The following DIS3 variants were observed in gnomAD, a reference collection of about 807,000 sequenced individuals.
DIS3 encodes the protein DIS3 exosome endoribonuclease and 3'-5' exoribonuclease, also known as exosome complex exonuclease RRP44.
Under a neutral mutation model 113.0 loss-of-function variants are expected in DIS3, and 103 were observed. The observed-to-expected ratio is 0.91, with a 90% CI of 0.78 to 1.07. DIS3 has a LOEUF of 1.07. Ranked by LOEUF, DIS3 falls within the 50% of genes least tolerant of loss-of-function variation. DIS3 has a pLI of 0.00. For synonymous variants in DIS3, 402 were observed against 394.3 expected, an observed-to-expected ratio of 1.02 and a Z score of -0.23; for missense variants, 1,121 against 1,167.1, an observed-to-expected ratio of 0.96 and a Z score of 0.58.
intron 4 of DIS3, among the ~76,000 whole-genome samples, chr13:72,776,384 A>G (rs1349588432): frequency 6.6e-6 from 1 of 152,216 alleles, no homozygotes; most frequent in Non-Finnish European, 1.5e-5. Context: ...AATACATATT[A>G]AATTTAAATA....
chr13:72,771,688 G>C (rs2033889197), intron 11 of DIS3, 107 bp downstream of exon 11: 2 of 1,059,632 alleles, frequency 1.9e-6, no homozygotes, highest in East Asian at 2.4e-5. Context: ...AATATATTTA[G>C]TGATTTAAAG....
intron 1 of DIS3, 148 bp from the exon 2 acceptor site, chr13:72,781,151 CG>C (rs774090886): frequency 4.4e-6 from 6 of 1,360,378 alleles, no homozygotes; most frequent in Non-Finnish European, 6.1e-6. Context: ...CTATAGAAAA[CG>C]AGACAATAGT....
intron 14 of DIS3, among the ~76,000 whole-genome samples, chr13:72,767,858 G>A (rs1242390863): frequency 6.6e-6 from 1 of 152,202 alleles, no homozygotes; most frequent in Non-Finnish European, 1.5e-5. Flanking sequence ...GGAACTCTGA[G>A]ACCAACATCT....
chr13:72,781,604 C>A lies in DIS3; in HGVS notation c.228+1G>T, dbSNP rs1593859728. ...TGTCCGCGGTTCGCCCGCCCACGCACCTGGTGCAGTAACACATTAGTGTCG... is the reference window on the plus strand; with the variant it reads ...TGTCCGCGGTTCGCCCGCCCACGCAACTGGTGCAGTAACACATTAGTGTCG... On this transcript the variant is annotated splice_donor_variant, in intron 1 of 20. Coordinates refer to ENST00000377767, the MANE Select transcript of DIS3 (RefSeq NM_014953.5). LOFTEE classifies it high-confidence loss of function. 1 of 1,509,634 alleles carries A rather than the reference C, an allele frequency of 6.6e-7. No individual in the cohort carries two copies. The highest frequency in any genetic ancestry group is 1.4e-5 in the African/African-American group (1 of 72,196). The allele number at this position is 1,509,634 out of a possible 1,614,324, so 93.5% of individuals were successfully genotyped here.
intron 8 of DIS3, 133 bp downstream of exon 8, chr13:72,773,551 G>C: frequency 1.0e-6 from 1 of 952,798 alleles, no homozygotes; most frequent in Non-Finnish European, 1.5e-6. Flanking sequence ...TACTTACCAG[G>C]TCACTTTGTG....
At chr13:72,770,763 T>C (rs1382273808) in intron 13 of DIS3, 141 bp downstream of exon 13, 3 of 401,002 alleles carry the variant, frequency 7.5e-6, no homozygotes, top group African/African-American at 4.2e-5. Flanking sequence ...TAATTATACA[T>C]AACATCTCTT....
intron 13 of DIS3, 57 bp from the exon 14 acceptor site, chr13:72,768,969 AAT>A: frequency 2.5e-6 from 3 of 1,202,380 alleles, no homozygotes; most frequent in Admixed American, 4.2e-5. Context: ...AATGGTTTTC[AAT>A]ATGTCCTCCT....
At chr13:72,772,567 T>C (rs1593846556) in intron 9 of DIS3, 126 bp downstream of exon 9, 2 of 1,050,290 alleles carry the variant, frequency 1.9e-6, no homozygotes, top group South Asian at 3.8e-5. Flanking sequence ...AAGAATGCTA[T>C]ACCCAACAAA....
Position 72,753,265 on chromosome 13 carries a change from A to G in DIS3, c.*6530T>C, listed in dbSNP as rs1002710753. On this transcript the variant is annotated 3_prime_UTR_variant, in exon 21 of 21. Transcript: ENST00000377767. Reference sequence around the variant, plus strand: ...CTAGAGCCATTATATATGTGGCATTATTGTGAACAACTAGGTGTAAATATA... The same window carrying G: ...CTAGAGCCATTATATATGTGGCATTGTTGTGAACAACTAGGTGTAAATATA... 5.8e-5 allele frequency: 9 copies of G among 154,600 alleles called. No individual in the cohort carries two copies. The highest frequency in any genetic ancestry group is 5.8e-4 in the Admixed American group (9 of 15,588). The allele number at this position is 154,600 out of a possible 1,614,324, so 9.6% of individuals were successfully genotyped here.
At chr13:72,778,071 G>A in intron 3 of DIS3, 116 bp downstream of exon 3, 2 of 918,932 alleles carry the variant, frequency 2.2e-6, no homozygotes, top group Non-Finnish European at 3.0e-6. Context: ...ATCACATGAA[G>A]TTATATAGGA....
In DIS3 at chr13:72,759,771, T is replaced by G; in HGVS notation, c.*24A>C. ...TTTTCTTTTAAAAAAGAAACCAGTC[T>G]TTGAAGATTTTTGTTGAATATAGCT... is the stretch of plus-strand genomic sequence containing the variant. On this transcript the variant is annotated 3_prime_UTR_variant, in exon 21 of 21. Transcript: ENST00000377767. The G allele has an allele frequency of 6.3e-7, 1 of 1,592,518 alleles. No homozygotes were observed.
At chr13:72,760,078 G>T (rs1468197018) in intron 20 of DIS3, among the ~76,000 whole-genome samples, 200 bp from the exon 21 acceptor site, 1 of 152,108 alleles carries the variant, frequency 6.6e-6, no homozygotes, top group Non-Finnish European at 1.5e-5. Flanking sequence ...AGCTAGACAT[G>T]GTCTCAACAG....
chr13:72,779,054 T>A (rs1318854594), intron 2 of DIS3, among the ~76,000 whole-genome samples: 1 of 152,130 alleles, frequency 6.6e-6, no homozygotes, highest in Non-Finnish European at 1.5e-5. Flanking sequence ...AGATTCAATT[T>A]AATAATTTGA....
chr13:72,770,395 G>C (rs1311129959), intron 13 of DIS3, among the ~76,000 whole-genome samples: 3 of 152,050 alleles, frequency 2.0e-5, no homozygotes, highest in Non-Finnish European at 4.4e-5. Context: ...CACCCAAACT[G>C]AAATACATTT....
At chr13:72,768,635 C>G in intron 14 of DIS3, 150 bp downstream of exon 14, 2 of 523,710 alleles carry the variant, frequency 3.8e-6, no homozygotes, top group Non-Finnish European at 6.1e-6. Flanking sequence ...CAGAGTAAAA[C>G]TCCGTTTCAA....
In DIS3 at chr13:72,752,793, T is replaced by C. The variant is rs139977097; in HGVS notation, c.*7002A>G. On this transcript the variant is annotated 3_prime_UTR_variant, in exon 21 of 21. Coordinates refer to ENST00000377767, the MANE Select transcript of DIS3 (RefSeq NM_014953.5). The stretch of plus-strand genomic sequence containing the variant: ...ATTAAGTGATAAAGAGTGCCGTTTC[T>C]AGGCTAGTCTGTACCTTTGTGAGGG... The C allele has an allele frequency of 1.1e-4, 17 of 152,290 alleles. No homozygotes were observed. Among genetic ancestry groups the C allele is most frequent in the African/African-American group, 3.8e-4 (16 of 41,574 alleles). 9.4% of individuals were successfully genotyped at this position (152,290 alleles called of 1,614,324 possible).
At chr13:72,770,321 C>T (rs2033854554) in intron 13 of DIS3, among the ~76,000 whole-genome samples, 1 of 152,102 alleles carries the variant, frequency 6.6e-6, no homozygotes. Flanking sequence ...AACAGTGCCC[C>T]CATTCTATCC....
Position 72,759,106 on chromosome 13 carries a change from A to C in DIS3, c.*689T>G. On this transcript the variant is annotated 3_prime_UTR_variant, in exon 21 of 21. Transcript: ENST00000377767. ...AACAAGATATAGACATTTGAATGCC[A>C]ATGTCTTATTCTGGAGAGACACTGG... The C allele has an allele frequency of 5.5e-6, 1 of 181,812 alleles. No individual in the cohort carries two copies. The highest frequency in any genetic ancestry group is 1.2e-5 in the Non-Finnish European group (1 of 85,234). 11.3% of individuals were successfully genotyped at this position (181,812 alleles called of 1,614,324 possible).
rs555384669 is a variant in DIS3, at chr13:72,758,688, C to T, written c.*1107G>A. The stretch of plus-strand genomic sequence containing the variant: ...GTAATAGGAAACTGGAAAAATTAGT[C>T]AACATTTATTGAGTGCCTAAATGAC... On this transcript the variant is annotated 3_prime_UTR_variant, in exon 21 of 21. Coordinates refer to ENST00000377767, the MANE Select transcript of DIS3 (RefSeq NM_014953.5). 2.0e-4 allele frequency: 43 copies of T among 215,282 alleles called. No homozygotes were observed. The highest frequency in any genetic ancestry group is 1.4e-3 in the Middle Eastern group (1 of 690). 13.3% of individuals were successfully genotyped at this position (215,282 alleles called of 1,614,324 possible).
Sources: allele counts gnomAD v4.1 joint callset (sites outside exome capture counted in the v4.1 genomes callset), GRCh38; gene constraint gnomAD v4.1.1; transcripts MANE v1.5; gene names NCBI Gene and HGNC (gene_info 2026-07-23, HGNC 2026-07-21).